SUGCT: variants seen among roughly 807,000 people sequenced by gnomAD.
SUGCT encodes the protein succinyl-CoA:glutarate-CoA transferase, also known as succinyl-CoA:glutarate CoA-transferase.
SUGCT carries 41 observed loss-of-function variants against 55.0 expected under a neutral mutation model. That is an observed-to-expected ratio of 0.74 (90% CI 0.58 to 0.97). The LOEUF is 0.97. SUGCT is among the 50% of genes least tolerant of loss of function. The pLI, the probability that SUGCT is intolerant of heterozygous loss-of-function variation, is 0.00. For synonymous variants in SUGCT, 187 were observed against 200.4 expected (o/e 0.93, Z 0.56); for missense variants, 568 against 547.8 (o/e 1.04, Z -0.37).
chr7:41,003,094 T>C, the SUGCT span, among the ~76,000 whole-genome samples: 1 of 152,136 alleles, frequency 6.6e-6, no homozygotes, highest in African/African-American at 2.4e-5. Context: ...ATCCGTGAAA[T>C]TCTGAGCTTA....
At chr7:40,196,512 G>C (rs910390870) in intron 6 of SUGCT, among the ~76,000 whole-genome samples, 1 of 152,164 alleles carries the variant, frequency 6.6e-6, no homozygotes, top group African/African-American at 2.4e-5. Flanking sequence ...ATTGAGTCTG[G>C]TAGTTGGCAA....
intron 13 of SUGCT, among the ~76,000 whole-genome samples, chr7:40,856,558 G>A (rs747544987): frequency 5.3e-5 from 8 of 151,174 alleles, no homozygotes; most frequent in Non-Finnish European, 1.2e-4. Context: ...TGGAAGCAAT[G>A]AGCAGACAGA....
intron 1 of SUGCT, among the ~76,000 whole-genome samples, chr7:40,140,550 G>A (rs892164253): frequency 5.9e-5 from 9 of 152,088 alleles, no homozygotes; most frequent in East Asian, 1.9e-4. Context: ...ACAGGCGCAC[G>A]CCACCACACC....
chr7:40,913,035 G>A, the SUGCT span, among the ~76,000 whole-genome samples: 1 of 116,120 alleles, frequency 8.6e-6, no homozygotes, highest in Non-Finnish European at 1.7e-5. Context: ...TTTTTGAGAT[G>A]TAATCTCCCT....
intron 8 of SUGCT, among the ~76,000 whole-genome samples, chr7:40,278,890 A>G (rs1792736799): frequency 6.6e-6 from 1 of 151,324 alleles, no homozygotes; most frequent in African/African-American, 2.4e-5. Flanking sequence ...GCAGTGGTGC[A>G]ATGATAGCTC....
intron 7 of SUGCT, among the ~76,000 whole-genome samples, chr7:40,262,218 G>C (rs2150964559): frequency 6.6e-6 from 1 of 152,088 alleles, no homozygotes; most frequent in South Asian, 2.1e-4. Context: ...AAAAAGTTTT[G>C]GTTTACATTG....
At chr7:40,631,782 C>G (rs1160805734) in intron 12 of SUGCT, among the ~76,000 whole-genome samples, 1 of 152,120 alleles carries the variant, frequency 6.6e-6, no homozygotes, top group Non-Finnish European at 1.5e-5. Flanking sequence ...CCTGTCTTTT[C>G]TCATAGGACA....
intron 12 of SUGCT, among the ~76,000 whole-genome samples, chr7:40,689,236 G>A (rs1020832071): frequency 6.6e-6 from 1 of 152,162 alleles, no homozygotes; most frequent in African/African-American, 2.4e-5. Context: ...AGGTAGCCTT[G>A]GGTGGAGCAG....
At chr7:40,168,173 G>C (rs964347476) in intron 1 of SUGCT, among the ~76,000 whole-genome samples, 9 of 152,196 alleles carry the variant, frequency 5.9e-5, no homozygotes, top group Non-Finnish European at 1.0e-4. Context: ...TTCCCAGCTA[G>C]TCTTAGGAAT....
chr7:40,802,895 T>G (rs1267596286), intron 13 of SUGCT, among the ~76,000 whole-genome samples: 1 of 152,188 alleles, frequency 6.6e-6, no homozygotes, highest in Non-Finnish European at 1.5e-5. Context: ...TGACCAGATT[T>G]TATTCACCGT....
rs78277439 is a variant in SUGCT, at chr7:40,484,382, T to C, written c.987-11902T>C. Among the ~76,000 whole-genome samples the C allele has an allele frequency of 1.0e-3, 155 of 152,206 alleles. 2 individuals are homozygous for C. In the East Asian group the frequency reaches 0.022, roughly 21 times the overall value. ...ATTTTGGAACCATTGGGTTGATCAG[T>C]GGTTAGTTGGAAAGAAGTCAGGGAT... On this transcript the variant is annotated intron_variant, in intron 11 of 13. Coordinates refer to ENST00000335693, the MANE Select transcript of SUGCT (RefSeq NM_001193313.2).
At chr7:40,205,532 T>A (rs1396232464) in intron 6 of SUGCT, among the ~76,000 whole-genome samples, 1 of 149,058 alleles carries the variant, frequency 6.7e-6, no homozygotes, top group East Asian at 2.0e-4. Context: ...TGCCAACTCC[T>A]TGGGAGGCTG....
chr7:40,208,015 G>A (rs1264362406), intron 6 of SUGCT, among the ~76,000 whole-genome samples: 4 of 152,130 alleles, frequency 2.6e-5, no homozygotes, highest in Non-Finnish European at 5.9e-5. Flanking sequence ...TTAAAAAGGC[G>A]GGGAATTCTG....
chr7:40,903,704 C>A, the SUGCT span, among the ~76,000 whole-genome samples: 1 of 152,164 alleles, frequency 6.6e-6, no homozygotes, highest in Non-Finnish European at 1.5e-5. Context: ...GGGGTGGCAC[C>A]CTGGGCTTTC....
intron 9 of SUGCT, among the ~76,000 whole-genome samples, chr7:40,340,400 C>T (rs1796980535): frequency 6.6e-6 from 1 of 151,956 alleles, no homozygotes; most frequent in African/African-American, 2.4e-5. Flanking sequence ...TCACATTATT[C>T]CTCAATTTAA....
chr7:40,955,928 T>A, the SUGCT span, among the ~76,000 whole-genome samples: 1 of 152,172 alleles, frequency 6.6e-6, no homozygotes, highest in Admixed American at 6.5e-5. Flanking sequence ...TGATGGATTA[T>A]GTTTATTGAT....
intron 13 of SUGCT, among the ~76,000 whole-genome samples, chr7:40,828,783 C>G (rs961290425): frequency 1.3e-5 from 2 of 152,202 alleles, no homozygotes; most frequent in Middle Eastern, 3.4e-3. Flanking sequence ...CCACCTCCAG[C>G]GGCGCCACAG....
At chr7:40,934,630 AC>A in the SUGCT span, among the ~76,000 whole-genome samples, 1 of 150,784 alleles carries the variant, frequency 6.6e-6, no homozygotes, top group Non-Finnish European at 1.5e-5. Flanking sequence ...TTGTTTACCT[AC>A]TCAAGCCTCA....
intron 1 of SUGCT, among the ~76,000 whole-genome samples, chr7:40,173,128 C>T (rs528976973): frequency 2.0e-5 from 3 of 152,288 alleles, no homozygotes; most frequent in South Asian, 2.1e-4. Flanking sequence ...GGAATGGAAC[C>T]TAGGGCCATG....
Sources: gnomAD v4.1 joint callset for allele counts (sites outside exome capture counted in the v4.1 genomes callset) on GRCh38, gnomAD v4.1.1 for gene constraint, MANE v1.5 for transcripts, NCBI Gene and HGNC (gene_info 2026-07-23, HGNC 2026-07-21) for gene names.